Variants in MAD1L1 observed in about 807,000 individuals in gnomAD.
MAD1L1 encodes mitotic spindle assembly checkpoint protein MAD1.
Under a neutral mutation model 96.9 loss-of-function variants are expected in MAD1L1, and 95 were observed. The ratio of observed to expected loss-of-function variants is 0.98; its 90% CI spans 0.83 to 1.16. The LOEUF (loss-of-function observed/expected upper bound fraction) is 1.16, where lower values mean the gene tolerates loss of function less well. Among genes scored for constraint, MAD1L1 ranks in the 50% most tolerant of loss-of-function variants. The pLI is 0.00. For missense variants in MAD1L1, 1,007 were observed against 954.4 expected, an observed-to-expected ratio of 1.06 and a Z score of -0.73; for synonymous variants, 473 against 396.6, an observed-to-expected ratio of 1.19 and a Z score of -2.29.
chr7:2,098,123 G>T (rs913285257), intron 11 of MAD1L1, among the ~76,000 whole-genome samples: 1 of 152,180 alleles, frequency 6.6e-6, no homozygotes, highest in East Asian at 1.9e-4. Context: ...GAGGACGCCC[G>T]CGACTTCAGA....
chr7:1,839,255 TG>T (rs1297560199), intron 18 of MAD1L1, among the ~76,000 whole-genome samples: 1 of 151,982 alleles, frequency 6.6e-6, no homozygotes, highest in Non-Finnish European at 1.5e-5. Flanking sequence ...GGGGTCGAGG[TG>T]GTGGTCACCG....
rs115685209 is a variant in MAD1L1 at position 1,894,717 on chromosome 7, C to T, written c.1998+3483G>A. Among the ~76,000 whole-genome samples, 1,005 of 151,780 alleles carry T rather than the reference C, an allele frequency of 6.6e-3. 12 individuals are homozygous for T. The highest frequency in any genetic ancestry group is 0.023 in the African/African-American group (950 of 41,352). ...CCAGCCCTCCAAAGAGGGGAGGGGG[C>T]GAGCGGGGTGCTAGGCACAGCTGCT... On this transcript the variant is annotated intron_variant, in intron 18 of 18. Coordinates refer to ENST00000265854, the MANE Select transcript of MAD1L1 (RefSeq NM_001013836.2).
intron 11 of MAD1L1, among the ~76,000 whole-genome samples, chr7:2,076,698 C>T (rs10254998): frequency 4.6e-5 from 7 of 151,176 alleles, no homozygotes; most frequent in Admixed American, 2.6e-4. Flanking sequence ...TATGACACAG[C>T]GAGCACATGG....
At chr7:1,976,175 A>T (rs1780628671) in intron 15 of MAD1L1, among the ~76,000 whole-genome samples, 1 of 152,196 alleles carries the variant, frequency 6.6e-6, no homozygotes, top group Non-Finnish European at 1.5e-5. Flanking sequence ...GTGGCTGTGC[A>T]TGTGTGTGTG....
At chr7:2,080,322 T>C (rs1348680042) in intron 11 of MAD1L1, among the ~76,000 whole-genome samples, 1 of 152,158 alleles carries the variant, frequency 6.6e-6, no homozygotes, top group African/African-American at 2.4e-5. Flanking sequence ...CAATACCCTA[T>C]ACCACTACCC....
At chr7:2,169,088 T>G (rs1222534778) in intron 10 of MAD1L1, among the ~76,000 whole-genome samples, 1 of 152,160 alleles carries the variant, frequency 6.6e-6, no homozygotes, top group Non-Finnish European at 1.5e-5. Context: ...ACAACCTGAA[T>G]ATTCACAGGA....
intron 10 of MAD1L1, among the ~76,000 whole-genome samples, chr7:2,162,945 G>A (rs924493708): frequency 1.7e-4 from 26 of 150,950 alleles, no homozygotes; most frequent in Admixed American, 6.0e-4. Flanking sequence ...TCTTTAAAGT[G>A]GATCCCTGTC....
Position 2,062,633 on chromosome 7 carries a change from C to T in MAD1L1, c.1218+6561G>A, listed in dbSNP as rs182366384. Among the ~76,000 whole-genome samples, 607 of 152,038 alleles carry T rather than the reference C, an allele frequency of 4.0e-3. 6 individuals are homozygous for T. The highest frequency in any genetic ancestry group is 0.014 in the African/African-American group (572 of 41,500). On this transcript the variant is annotated intron_variant, in intron 12 of 18. Transcript: ENST00000265854. ...GGCGCTTGCCCTGGAGCTGAGGGAG[C>T]GGCTGGAACCAGGCACGAGGGTCTT...
intron 17 of MAD1L1, among the ~76,000 whole-genome samples, chr7:1,931,774 G>A (rs1487610786): frequency 6.6e-6 from 1 of 152,102 alleles, no homozygotes; most frequent in Non-Finnish European, 1.5e-5. Context: ...TCAGAATGCA[G>A]GACACTGCTG....
At chr7:2,131,124 A>G (rs6461168) in intron 11 of MAD1L1, among the ~76,000 whole-genome samples, 58,900 of 152,096 alleles carry the variant, frequency 0.39, 13,457 homozygotes, top group African/African-American at 0.65. Flanking sequence ...GACATACTGC[A>G]CTATGAGCTC....
intron 16 of MAD1L1, among the ~76,000 whole-genome samples, chr7:1,944,726 C>T (rs1356571674): frequency 6.6e-6 from 1 of 152,196 alleles, no homozygotes; most frequent in Non-Finnish European, 1.5e-5. Flanking sequence ...CCCCCCACCC[C>T]GTCGGCCCTC....
At chr7:1,864,630 T>C (rs888334636) in intron 18 of MAD1L1, among the ~76,000 whole-genome samples, 3 of 152,228 alleles carry the variant, frequency 2.0e-5, no homozygotes, top group Non-Finnish European at 4.4e-5. Context: ...TGCGGGGCTG[T>C]GGCCTGGACG....
intron 13 of MAD1L1, among the ~76,000 whole-genome samples, chr7:2,005,697 G>A (rs1782001400): frequency 6.6e-6 from 1 of 152,104 alleles, no homozygotes; most frequent in African/African-American, 2.4e-5. Flanking sequence ...GCTACTCAGG[G>A]AGCTGAGGCA....
At chr7:2,207,283 T>C (rs1792648979) in intron 10 of MAD1L1, among the ~76,000 whole-genome samples, 1 of 152,180 alleles carries the variant, frequency 6.6e-6, no homozygotes, top group African/African-American at 2.4e-5. Context: ...ATGCAGCTCC[T>C]TATCTGGAGT....
At chr7:2,020,151 G>A (rs565052997) in intron 12 of MAD1L1, among the ~76,000 whole-genome samples, 6 of 152,330 alleles carry the variant, frequency 3.9e-5, no homozygotes, top group African/African-American at 7.2e-5. Context: ...CAGAGGAGCC[G>A]CCCAGGCTGC....
In MAD1L1 at chr7:2,046,569, C is replaced by T. The variant is rs531930355; in HGVS notation, c.1218+22625G>A. Among the ~76,000 whole-genome samples, 99 of 152,282 alleles carry T rather than the reference C, an allele frequency of 6.5e-4. 2 individuals carry two copies. The South Asian group carries it at 0.018, about 28-fold the overall frequency. ...GCAAATCCTCTTATTTTTCTGGAGA[C>T]GGAACTCTGCGTGGCGATCATCTCC... On this transcript the variant is annotated intron_variant, in intron 12 of 18. Coordinates refer to ENST00000265854, the MANE Select transcript of MAD1L1 (RefSeq NM_001013836.2).
intron 15 of MAD1L1, among the ~76,000 whole-genome samples, chr7:1,978,178 G>A (rs1343751392): frequency 6.6e-6 from 1 of 152,246 alleles, no homozygotes; most frequent in Admixed American, 6.5e-5. Flanking sequence ...ATTGAAGCCT[G>A]TCTGGCACGT....
At chr7:2,133,982 T>C (rs1158738024) in intron 11 of MAD1L1, among the ~76,000 whole-genome samples, 2 of 152,224 alleles carry the variant, frequency 1.3e-5, no homozygotes, top group Non-Finnish European at 2.9e-5. Context: ...AGTTTTCCGG[T>C]GTTGTTCACT....
At chr7:1,889,076 A>G (rs1786374238) in intron 18 of MAD1L1, among the ~76,000 whole-genome samples, 1 of 152,224 alleles carries the variant, frequency 6.6e-6, no homozygotes, top group Admixed American at 6.5e-5. Flanking sequence ...ACTTGCATAC[A>G]TACTGGCCAA....
Sources: allele counts gnomAD v4.1 joint callset (sites outside exome capture counted in the v4.1 genomes callset), GRCh38; gene constraint gnomAD v4.1.1; transcripts MANE v1.5; gene names NCBI Gene and HGNC (gene_info 2026-07-23, HGNC 2026-07-21).